TLN2: variants seen among roughly 807,000 people sequenced by gnomAD.
TLN2 encodes talin-2.
Under a neutral mutation model 294.7 loss-of-function variants are expected in TLN2, and 118 were observed. The observed-to-expected ratio is 0.40, with a 90% CI of 0.34 to 0.47. TLN2 has a LOEUF of 0.47. Among genes scored for constraint, TLN2 ranks in the 20% least tolerant of loss-of-function variants. The pLI is 0.84. For synonymous variants in TLN2, 1,431 were observed against 1,304.5 expected, an observed-to-expected ratio of 1.10 and a Z score of -2.09; for missense variants, 3,083 against 3,282.2, an observed-to-expected ratio of 0.94 and a Z score of 1.48.
At chr15:62,519,157 C>T (rs1480984874) in intron 1 of TLN2, among the ~76,000 whole-genome samples, 1 of 152,162 alleles carries the variant, frequency 6.6e-6, no homozygotes, top group Admixed American at 6.5e-5. Context: ...GTGGAGTCCA[C>T]AGTATTGACC....
rs528532125 is a variant in TLN2, at chr15:62,439,715, C to G, written c.-238+49030C>G. Reference sequence around the variant, plus strand: ...TGGTGAATGGCCAGTCAGTGACTCTCTGATTGTGAAAGCCTCTGACTAGTG... The same window carrying G: ...TGGTGAATGGCCAGTCAGTGACTCTGTGATTGTGAAAGCCTCTGACTAGTG... On this transcript the variant is annotated intron_variant, in intron 1 of 58. Transcript: ENST00000636159. 3.3e-5 allele frequency among the ~76,000 whole-genome samples: 5 copies of G among 152,270 alleles called. No individual in the cohort carries two copies. The East Asian group carries it at 9.7e-4, about 29-fold the overall frequency.
chr15:62,713,688 A>AG (rs1667829183), intron 22 of TLN2, among the ~76,000 whole-genome samples: 1 of 152,014 alleles, frequency 6.6e-6, no homozygotes, highest in African/African-American at 2.4e-5. Context: ...CAAAAAAAAA[A>AG]TGTATTGTGA....
intron 1 of TLN2, among the ~76,000 whole-genome samples, chr15:62,588,172 A>G (rs367719024): frequency 3.8e-4 from 58 of 151,898 alleles, no homozygotes; most frequent in African/African-American, 9.7e-4. Context: ...GAGCCACCGC[A>G]CCCGGCCTAA....
intron 50 of TLN2, among the ~76,000 whole-genome samples, chr15:62,803,650 T>G (rs1342253789): frequency 6.6e-6 from 1 of 152,244 alleles, no homozygotes; most frequent in Non-Finnish European, 1.5e-5. Context: ...ATCTGCTTGA[T>G]TCTTTTTAAT....
chr15:62,776,640 T>A, intron 42 of TLN2, 124 bp from the exon 43 acceptor site: 1 of 952,344 alleles, frequency 1.1e-6, no homozygotes, highest in Non-Finnish European at 1.4e-6. Flanking sequence ...AGGGAAGAAA[T>A]AGAATAGATC....
chr15:62,502,509 A>G (rs2039361957), intron 1 of TLN2, among the ~76,000 whole-genome samples: 1 of 814 alleles, frequency 1.2e-3, no homozygotes, highest in Non-Finnish European at 2.7e-3. Flanking sequence ...GGCTGCAGGC[A>G]TGGGGGTTTA....
intron 25 of TLN2, 29 bp from the exon 26 acceptor site, chr15:62,722,324 C>A (rs777463564): frequency 1.3e-6 from 2 of 1,587,824 alleles, no homozygotes; most frequent in South Asian, 1.1e-5. Flanking sequence ...GCCCAGGAGC[C>A]ATCTTACTTT....
At chr15:62,518,847 C>T (rs2040317275) in intron 1 of TLN2, among the ~76,000 whole-genome samples, 1 of 151,962 alleles carries the variant, frequency 6.6e-6, no homozygotes, top group Non-Finnish European at 1.5e-5. Context: ...ATCCACCAGC[C>T]TCAGCCTCCC....
At chr15:62,797,443 C>T (rs368322327) in intron 48 of TLN2, 41 bp downstream of exon 48, 166 of 1,539,436 alleles carry the variant, frequency 1.1e-4, no homozygotes, top group Admixed American at 3.4e-4. Context: ...CCGGTCTTCC[C>T]GTGAACGCTG....
intron 3 of TLN2, chr15:62,640,280 G>A (rs1456886109): frequency 2.2e-6 from 1 of 455,882 alleles, no homozygotes; most frequent in Non-Finnish European, 4.4e-6. Flanking sequence ...TTGAGATGTA[G>A]ACACAGATGA....
intron 11 of TLN2, 105 bp from the exon 12 acceptor site, chr15:62,686,536 T>A: frequency 7.4e-7 from 1 of 1,358,828 alleles, no homozygotes; most frequent in East Asian, 2.5e-5. Context: ...CTACCTGTTT[T>A]GAAAGACAGT....
At chr15:62,676,160 A>G (rs114166056) in intron 11 of TLN2, among the ~76,000 whole-genome samples, 5,773 of 152,332 alleles carry the variant, frequency 0.038, 124 homozygotes, top group Middle Eastern at 0.078. Context: ...GTCTTTCCCC[A>G]CAGCCAAAGA....
Position 62,711,900 on chromosome 15 carries a change from C to T in TLN2, c.2468-11C>T, listed in dbSNP as rs778654320. 8 of 1,600,448 alleles carry T rather than the reference C, an allele frequency of 5.0e-6. No individual in the cohort carries two copies. The African/African-American group carries it at 6.7e-5, about 13-fold the overall frequency. On this transcript the variant is annotated splice_polypyrimidine_tract_variant and intron_variant, in intron 21 of 58. Transcript: ENST00000636159. ...AGACAAACAGACCTCATCCTCTATT[C>T]TGTCTTCTAGGTGAAATGGTGCGCC... is the stretch of plus-strand genomic sequence containing the variant.
At chr15:62,466,258 A>G (rs1566998036) in intron 1 of TLN2, among the ~76,000 whole-genome samples, 1 of 152,206 alleles carries the variant, frequency 6.6e-6, no homozygotes, top group East Asian at 1.9e-4. Flanking sequence ...GTCCGGTGGT[A>G]TGTCTGGACC....
At chr15:62,784,054 C>T in intron 45 of TLN2, 164 bp downstream of exon 45, 3 of 1,233,516 alleles carry the variant, frequency 2.4e-6, no homozygotes, top group Non-Finnish European at 3.3e-6. Flanking sequence ...CCAGGTAGCC[C>T]CAGGCTGTAC....
At chr15:62,627,189 T>C (rs560619118) in intron 3 of TLN2, among the ~76,000 whole-genome samples, 2 of 152,350 alleles carry the variant, frequency 1.3e-5, no homozygotes, top group South Asian at 4.1e-4. Flanking sequence ...GCCATTTTGT[T>C]TCTTGGCAAA....
chr15:62,455,012 C>A (rs896546376), intron 1 of TLN2, among the ~76,000 whole-genome samples: 1 of 152,152 alleles, frequency 6.6e-6, no homozygotes, highest in Non-Finnish European at 1.5e-5. Flanking sequence ...TTGTGAAATA[C>A]TGAACACTGG....
intron 3 of TLN2, among the ~76,000 whole-genome samples, chr15:62,625,267 C>T (rs1212888039): frequency 6.6e-6 from 1 of 152,086 alleles, no homozygotes; most frequent in Non-Finnish European, 1.5e-5. Flanking sequence ...GCTGAATGAA[C>T]CCTTTAGGAA....
intron 1 of TLN2, among the ~76,000 whole-genome samples, chr15:62,552,999 T>C (rs577114173): frequency 7.9e-5 from 12 of 152,350 alleles, no homozygotes; most frequent in African/African-American, 2.6e-4. Flanking sequence ...TCACGTGATA[T>C]GTGATTAAAC....
Sources: allele counts gnomAD v4.1 joint callset (sites outside exome capture counted in the v4.1 genomes callset), GRCh38; gene constraint gnomAD v4.1.1; transcripts MANE v1.5; gene names NCBI Gene and HGNC (gene_info 2026-07-23, HGNC 2026-07-21).